Variants in FOXP2 observed in about 807,000 individuals in gnomAD.
FOXP2 encodes forkhead box P2, also known as forkhead box protein P2.
FOXP2 carries 12 observed loss-of-function variants against 115.8 expected under a neutral mutation model. That is an observed-to-expected ratio of 0.10 (90% CI 0.07 to 0.17). The LOEUF (loss-of-function observed/expected upper bound fraction) is 0.17. Among genes scored for constraint, FOXP2 ranks in the 10% least tolerant of loss-of-function variants. The pLI, the probability that FOXP2 is intolerant of heterozygous loss-of-function variation, is 1.00. For synonymous variants in FOXP2, 328 were observed against 297.7 expected (o/e 1.10, Z -1.05); for missense variants, 629 against 843.5 (o/e 0.75, Z 3.15).
chr7:114,569,692 T>C (rs1367017972), intron 3 of FOXP2, among the ~76,000 whole-genome samples: 2 of 151,906 alleles, frequency 1.3e-5, no homozygotes, highest in African/African-American at 4.8e-5. Flanking sequence ...TACTTCTTCC[T>C]AAGAAACAGA....
intron 1 of FOXP2, among the ~76,000 whole-genome samples, chr7:114,286,181 G>C (rs1345182106): frequency 6.6e-6 from 1 of 151,700 alleles, no homozygotes; most frequent in Admixed American, 6.6e-5. Context: ...ACTTTGTGAT[G>C]TTATTATATA....
At chr7:114,471,694 A>T (rs1796053032) in intron 2 of FOXP2, among the ~76,000 whole-genome samples, 1 of 151,982 alleles carries the variant, frequency 6.6e-6, no homozygotes, top group Non-Finnish European at 1.5e-5. Flanking sequence ...TCACGCTTGT[A>T]ATCCCAGCAC....
rs12535953 is a variant in FOXP2 at position 114,684,105 on chromosome 7, A to G, written c.2004-5677A>G. ...TGTTGCCCAGGCTGGCATTCCTCCC[A>G]CCTCAGCCTCCCAAGTAGCTGGAAC... On this transcript the variant is annotated intron_variant, in intron 16 of 16. Transcript: ENST00000350908. 0.033 allele frequency among the ~76,000 whole-genome samples: 5,057 copies of G among 152,082 alleles called. 422 individuals are homozygous for G. In the East Asian group the frequency reaches 0.35, roughly 10 times the overall value.
chr7:114,301,672 G>A (rs1796882718), intron 2 of FOXP2, among the ~76,000 whole-genome samples: 1 of 152,082 alleles, frequency 6.6e-6, no homozygotes, highest in South Asian at 2.1e-4. Context: ...TGCACTGGGT[G>A]TCTGTGATCT....
At chr7:114,662,877 C>G (rs1460485813) in intron 14 of FOXP2, among the ~76,000 whole-genome samples, 1 of 152,070 alleles carries the variant, frequency 6.6e-6, no homozygotes, top group Non-Finnish European at 1.5e-5. Flanking sequence ...TTTACTTATT[C>G]CCCCAAACTT....
At chr7:114,508,081 A>G (rs940755935) in intron 2 of FOXP2, among the ~76,000 whole-genome samples, 6 of 152,154 alleles carry the variant, frequency 3.9e-5, no homozygotes, top group African/African-American at 1.4e-4. Flanking sequence ...CCCTGAAAGC[A>G]TACATACTTT....
intron 2 of FOXP2, among the ~76,000 whole-genome samples, chr7:114,348,841 C>T (rs1003704640): frequency 1.3e-5 from 2 of 152,090 alleles, no homozygotes; most frequent in Admixed American, 6.6e-5. Flanking sequence ...GCAGCAGCTT[C>T]CAGCCCCAAG....
intron 3 of FOXP2, among the ~76,000 whole-genome samples, chr7:114,611,594 C>T (rs1055947531): frequency 6.6e-6 from 1 of 152,174 alleles, no homozygotes; most frequent in Non-Finnish European, 1.5e-5. Context: ...TAGGACCTAG[C>T]TCTACTTTGA....
At chr7:114,511,192 C>A (rs1318122622) in intron 2 of FOXP2, among the ~76,000 whole-genome samples, 1 of 151,990 alleles carries the variant, frequency 6.6e-6, no homozygotes. Flanking sequence ...ACATCACCCA[C>A]CAGGGCCTGT....
At chr7:114,669,274 T>C (rs2129344784) in intron 16 of FOXP2, 1 of 152,112 alleles carries the variant, frequency 6.6e-6, no homozygotes, top group East Asian at 1.9e-4. Context: ...CAGCAAAAAG[T>C]AGGAAAGGTT....
At chr7:114,196,536 T>C (rs556600622) in intron 1 of FOXP2, among the ~76,000 whole-genome samples, 17 of 152,358 alleles carry the variant, frequency 1.1e-4, no homozygotes, top group African/African-American at 3.8e-4. Flanking sequence ...TTTGGTATTC[T>C]GTGTATGTGT....
chr7:114,643,423 G>A (rs1027224698), intron 7 of FOXP2, among the ~76,000 whole-genome samples: 10 of 152,050 alleles, frequency 6.6e-5, no homozygotes, highest in Admixed American at 6.5e-4. Flanking sequence ...AATCTGGTTT[G>A]CCTTTTTAAT....
intron 1 of FOXP2, among the ~76,000 whole-genome samples, chr7:114,111,103 GTGC>G (rs1791257037): frequency 6.6e-6 from 1 of 152,116 alleles, no homozygotes; most frequent in South Asian, 2.1e-4. Context: ...CTGTATTAGA[GTGC>G]TGCATTAATG....
intron 1 of FOXP2, among the ~76,000 whole-genome samples, chr7:114,154,485 CTTG>C (rs757876448): frequency 1.2e-4 from 18 of 152,058 alleles, no homozygotes; most frequent in South Asian, 2.1e-4. Flanking sequence ...GATGCTGATA[CTTG>C]TTGTGCCTTT....
chr7:114,127,305 A>G (rs1454616668), intron 1 of FOXP2, among the ~76,000 whole-genome samples: 1 of 152,162 alleles, frequency 6.6e-6, no homozygotes, highest in Non-Finnish European at 1.5e-5. Context: ...ATCACCCTCA[A>G]TGGATCTTGT....
intron 1 of FOXP2, among the ~76,000 whole-genome samples, chr7:114,177,217 T>C (rs571841645): frequency 6.6e-6 from 1 of 152,306 alleles, no homozygotes; most frequent in Non-Finnish European, 1.5e-5. Context: ...AGAATTTTTG[T>C]ATTATCAGGT....
intron 2 of FOXP2, among the ~76,000 whole-genome samples, chr7:114,404,757 A>G (rs922784372): frequency 2.0e-5 from 3 of 152,086 alleles, no homozygotes; most frequent in Non-Finnish European, 2.9e-5. Context: ...GAAAAGGCAT[A>G]GGAGAACCTA....
chr7:114,333,717 G>A (rs532625980), intron 2 of FOXP2, among the ~76,000 whole-genome samples: 50 of 152,088 alleles, frequency 3.3e-4, no homozygotes, highest in South Asian at 2.9e-3. Flanking sequence ...TGAAACCCCC[G>A]TCTCTAGTAA....
In FOXP2 at chr7:114,627,180, A is replaced by G. The variant is rs187384033; in HGVS notation, c.259-1360A>G. Among the ~76,000 whole-genome samples, 43 of 147,566 alleles carry G rather than the reference A, an allele frequency of 2.9e-4. 1 individual carries two copies. Among genetic ancestry groups the G allele is most frequent in the Admixed American group, 2.7e-3 (39 of 14,694 alleles). ...CTTCTGCTTCTTCTAACCTCTTTTC[A>G]TTATTAATTTCTCCTTTCTCCATAA... On this transcript the variant is annotated intron_variant, in intron 3 of 16. Transcript: ENST00000350908.
Sources: gnomAD v4.1 joint callset for allele counts (sites outside exome capture counted in the v4.1 genomes callset) on GRCh38, gnomAD v4.1.1 for gene constraint, MANE v1.5 for transcripts, NCBI Gene and HGNC (gene_info 2026-07-23, HGNC 2026-07-21) for gene names.